Variants in SAMMSON observed in about 807,000 individuals in gnomAD.
SAMMSON encodes survival associated mitochondrial melanoma specific oncogenic non-coding RNA.
At chr3:70,300,530 A>G (rs1338588631) in intron 7 of SAMMSON, among the ~76,000 whole-genome samples, 1 of 152,004 alleles carries the variant, frequency 6.6e-6, no homozygotes, top group Non-Finnish European at 1.5e-5. Context: ...TATTATATAT[A>G]TATTAGCCTT....
intron 4 of SAMMSON, among the ~76,000 whole-genome samples, chr3:70,118,844 A>T (rs2067421875): frequency 6.6e-6 from 1 of 152,182 alleles, no homozygotes; most frequent in Non-Finnish European, 1.5e-5. Context: ...TACTACTCTT[A>T]AGTGATATAG....
chr3:70,402,599 C>T (rs75531245), intron 2 of SAMMSON, among the ~76,000 whole-genome samples: 189 of 152,224 alleles, frequency 1.2e-3, no homozygotes, highest in African/African-American at 4.1e-3. Flanking sequence ...TAGTGGCTTA[C>T]GCCTATAATC....
chr3:70,033,461 A>G (rs73836006), intron 3 of SAMMSON, among the ~76,000 whole-genome samples: 7,048 of 152,222 alleles, frequency 0.046, 373 homozygotes, highest in African/African-American at 0.13. Flanking sequence ...GGCAGTAAAG[A>G]TGATGAAGCA....
chr3:70,382,143 T>G (rs1407193006), intron 9 of SAMMSON, among the ~76,000 whole-genome samples: 1 of 152,140 alleles, frequency 6.6e-6, no homozygotes, highest in East Asian at 1.9e-4. Context: ...TCATTCTCAG[T>G]AATAGGTATA....
chr3:70,372,584 G>A (rs1468841056), intron 9 of SAMMSON, among the ~76,000 whole-genome samples: 1 of 152,104 alleles, frequency 6.6e-6, no homozygotes, highest in Non-Finnish European at 1.5e-5. Flanking sequence ...ACAGGTATGA[G>A]CCACCATGCC....
intron 4 of SAMMSON, among the ~76,000 whole-genome samples, chr3:70,089,921 T>C (rs1467372465): frequency 1.3e-5 from 2 of 152,156 alleles, no homozygotes; most frequent in Non-Finnish European, 2.9e-5. Context: ...AGCAGATGGC[T>C]GGGTAAATGT....
At chr3:70,268,265 G>A (rs1281056501) in intron 6 of SAMMSON, among the ~76,000 whole-genome samples, 1 of 152,074 alleles carries the variant, frequency 6.6e-6, no homozygotes, top group African/African-American at 2.4e-5. Context: ...GAGCGCAGAA[G>A]TTCGCGACCA....
At chr3:70,359,621 TTTCTC>T (rs1702857066) in intron 9 of SAMMSON, among the ~76,000 whole-genome samples, 2 of 152,134 alleles carry the variant, frequency 1.3e-5, no homozygotes, top group South Asian at 4.1e-4. Context: ...TCGCGAGCCT[TTTCTC>T]TGTTCTGTAG....
intron 6 of SAMMSON, among the ~76,000 whole-genome samples, chr3:70,276,707 G>A (rs1178463975): frequency 6.6e-6 from 1 of 152,114 alleles, no homozygotes; most frequent in African/African-American, 2.4e-5. Context: ...AAGTTTTGTT[G>A]GAACACAGCC....
At chr3:70,031,798 A>G (rs1190157620) in intron 3 of SAMMSON, among the ~76,000 whole-genome samples, 2 of 152,210 alleles carry the variant, frequency 1.3e-5, no homozygotes, top group East Asian at 3.9e-4. Context: ...AAAACACTGT[A>G]GACCGACAGA....
chr3:70,139,621 T>C (rs1217026825), intron 4 of SAMMSON, among the ~76,000 whole-genome samples: 1 of 152,132 alleles, frequency 6.6e-6, no homozygotes, highest in Non-Finnish European at 1.5e-5. Flanking sequence ...CCTGGAGTGA[T>C]TGAGGAGTAC....
At chr3:70,290,734 C>T (rs6766653) in intron 6 of SAMMSON, among the ~76,000 whole-genome samples, 32,164 of 152,040 alleles carry the variant, frequency 0.21, 3,608 homozygotes, top group South Asian at 0.28. Flanking sequence ...TAGGACCCTC[C>T]GAGCCAGGTG....
At chr3:70,323,842 T>A (rs578092569) in intron 7 of SAMMSON, among the ~76,000 whole-genome samples, 26 of 152,180 alleles carry the variant, frequency 1.7e-4, no homozygotes, top group African/African-American at 5.3e-4. Flanking sequence ...TCTCTTGAGC[T>A]CACCTGGAGA....
chr3:70,074,256 T>G (rs1234976203), intron 4 of SAMMSON, among the ~76,000 whole-genome samples: 1 of 152,094 alleles, frequency 6.6e-6, no homozygotes, highest in East Asian at 1.9e-4. Context: ...TTAGATAAGA[T>G]ACTAGAGCCA....
At chr3:70,355,593 A>G (rs914950795) in intron 8 of SAMMSON, among the ~76,000 whole-genome samples, 3 of 152,174 alleles carry the variant, frequency 2.0e-5, no homozygotes, top group Admixed American at 6.6e-5. Context: ...CCAAAAATGG[A>G]AAGAAAGTGA....
intron 3 of SAMMSON, among the ~76,000 whole-genome samples, chr3:70,044,208 G>A (rs2067115604): frequency 6.6e-6 from 1 of 151,914 alleles, no homozygotes; most frequent in Non-Finnish European, 1.5e-5. Context: ...TAAGTTTTTT[G>A]TTCTGCTGCC....
chr3:70,339,948 T>C (rs1051621913), intron 7 of SAMMSON, among the ~76,000 whole-genome samples: 5 of 152,066 alleles, frequency 3.3e-5, no homozygotes, highest in African/African-American at 1.2e-4. Context: ...TAAAGACACA[T>C]GCACACACAT....
chr3:70,425,597 TA>T (rs1293218731), intron 2 of SAMMSON, among the ~76,000 whole-genome samples: 1 of 151,626 alleles, frequency 6.6e-6, no homozygotes, highest in Non-Finnish European at 1.5e-5. Context: ...TTTTTTTTAG[TA>T]GAGACGGGGT....
intron 6 of SAMMSON, among the ~76,000 whole-genome samples, chr3:70,252,353 C>T (rs1701777707): frequency 6.6e-6 from 1 of 152,082 alleles, no homozygotes; most frequent in Admixed American, 6.6e-5. Context: ...TAGGTGTCAC[C>T]CCATTTGCTT....
Sources: gnomAD v4.1 joint callset for allele counts (sites outside exome capture counted in the v4.1 genomes callset) on GRCh38, gnomAD v4.1.1 for gene constraint, MANE v1.5 for transcripts, NCBI Gene and HGNC (gene_info 2026-07-23, HGNC 2026-07-21) for gene names.